Variants in FAM117B observed in about 807,000 individuals in gnomAD.
FAM117B encodes the protein protein FAM117B.
Under a neutral mutation model 52.8 loss-of-function variants are expected in FAM117B, and 22 were observed. That is an observed-to-expected ratio of 0.42 (90% CI 0.30 to 0.59). The LOEUF is 0.59. Ranked by LOEUF, FAM117B falls within the 20% of genes least tolerant of loss-of-function variation. The pLI, the probability that FAM117B is intolerant of heterozygous loss-of-function variation, is 0.22. For missense variants in FAM117B, 678 were observed against 802.6 expected, an observed-to-expected ratio of 0.84 and a Z score of 1.88; for synonymous variants, 309 against 324.1, an observed-to-expected ratio of 0.95 and a Z score of 0.50.
intron 7 of FAM117B, among the ~76,000 whole-genome samples, chr2:202,763,278 T>TA (rs1362424461): frequency 3.3e-5 from 5 of 152,174 alleles, no homozygotes; most frequent in African/African-American, 1.2e-4. Context: ...TTCAACGTGT[T>TA]AGCCAGGATG....
chr2:202,668,230 T>A (rs924420738), intron 1 of FAM117B, among the ~76,000 whole-genome samples: 3 of 145,474 alleles, frequency 2.1e-5, no homozygotes, highest in Non-Finnish European at 3.0e-5. Context: ...ATATAATATA[T>A]ATTAATATTT....
At chr2:202,671,550 G>T (rs1240381752) in intron 1 of FAM117B, among the ~76,000 whole-genome samples, 1 of 152,220 alleles carries the variant, frequency 6.6e-6, no homozygotes, top group Non-Finnish European at 1.5e-5. Context: ...CAGATGCTGA[G>T]AAATTGTCTG....
At chr2:202,747,670 A>G (rs1402527320) in intron 4 of FAM117B, among the ~76,000 whole-genome samples, 1 of 152,130 alleles carries the variant, frequency 6.6e-6, no homozygotes, top group Non-Finnish European at 1.5e-5. Context: ...TGAACTAGCT[A>G]AAAAAGAAAT....
intron 1 of FAM117B, among the ~76,000 whole-genome samples, chr2:202,681,537 A>T (rs1690462870): frequency 6.6e-6 from 1 of 152,230 alleles, no homozygotes; most frequent in Non-Finnish European, 1.5e-5. Flanking sequence ...GCATATTACC[A>T]AGAAAAAAGA....
At chr2:202,680,143 C>A (rs889627276) in intron 1 of FAM117B, among the ~76,000 whole-genome samples, 3 of 151,924 alleles carry the variant, frequency 2.0e-5, no homozygotes, top group African/African-American at 4.8e-5. Context: ...GCAGTAGAAA[C>A]CACACAAAAA....
intron 4 of FAM117B, among the ~76,000 whole-genome samples, chr2:202,755,036 A>G (rs1297005417): frequency 1.6e-4 from 24 of 151,904 alleles, no homozygotes; most frequent in Admixed American, 1.6e-3. Flanking sequence ...CACAGGTCAC[A>G]TGGCCAAGCA....
chr2:202,644,723 T>G (rs977639946), intron 1 of FAM117B, among the ~76,000 whole-genome samples: 1 of 152,242 alleles, frequency 6.6e-6, no homozygotes, highest in Non-Finnish European at 1.5e-5. Context: ...AATTGTAGGT[T>G]GGAAATAATT....
intron 4 of FAM117B, among the ~76,000 whole-genome samples, chr2:202,742,024 A>T (rs1195488922): frequency 6.6e-6 from 1 of 152,230 alleles, no homozygotes; most frequent in Admixed American, 6.5e-5. Context: ...GAAAATTAAG[A>T]ACACTTTTGA....
At chr2:202,731,864 T>A (rs1371090031) in intron 4 of FAM117B, among the ~76,000 whole-genome samples, 4 of 152,108 alleles carry the variant, frequency 2.6e-5, no homozygotes, top group Non-Finnish European at 5.9e-5. Flanking sequence ...GCCTCCTGAA[T>A]AGCTGGGATT....
chr2:202,667,649 T>C (rs1411126614), intron 1 of FAM117B, among the ~76,000 whole-genome samples: 1 of 152,200 alleles, frequency 6.6e-6, no homozygotes, highest in Non-Finnish European at 1.5e-5. Flanking sequence ...AATCTCAAGA[T>C]AAACCTTAGC....
At chr2:202,740,166 T>C (rs146474725) in intron 4 of FAM117B, among the ~76,000 whole-genome samples, 1,082 of 38,856 alleles carry the variant, frequency 0.028, 34 homozygotes, top group African/African-American at 0.13. Flanking sequence ...GAGCGAGACT[T>C]CATCCCCCAA....
chr2:202,727,388 G>T (rs1034782078), intron 4 of FAM117B, among the ~76,000 whole-genome samples: 1 of 151,818 alleles, frequency 6.6e-6, no homozygotes, highest in African/African-American at 2.4e-5. Context: ...ATTGTCTATT[G>T]CTCCTTTTTG....
chr2:202,662,793 G>A (rs1318418937), intron 1 of FAM117B, among the ~76,000 whole-genome samples: 2 of 151,980 alleles, frequency 1.3e-5, no homozygotes, highest in Non-Finnish European at 2.9e-5. Context: ...GCAGTGAGCC[G>A]AGATCATGCC....
At chr2:202,670,625 A>G (rs1432035996) in intron 1 of FAM117B, among the ~76,000 whole-genome samples, 1 of 152,130 alleles carries the variant, frequency 6.6e-6, no homozygotes, top group Non-Finnish European at 1.5e-5. Flanking sequence ...CATAGCAGGG[A>G]ACAGGGCCAC....
chr2:202,670,996 G>C (rs911740894), intron 1 of FAM117B, among the ~76,000 whole-genome samples: 1 of 152,208 alleles, frequency 6.6e-6, no homozygotes, highest in Non-Finnish European at 1.5e-5. Context: ...TTGAAAGCTT[G>C]AAAGTGTTGA....
intron 1 of FAM117B, among the ~76,000 whole-genome samples, chr2:202,649,339 C>G (rs1026023922): frequency 6.6e-6 from 1 of 152,082 alleles, no homozygotes; most frequent in African/African-American, 2.4e-5. Context: ...CCTCTTTTTA[C>G]TGTGTTCTAA....
chr2:202,699,288 G>A lies in FAM117B; in HGVS notation c.753+3256G>A, dbSNP rs933437696. ...CTAAATATACAAAAATTAGCCAGGCGTGGTGGCGTGCACCTGTAGTCCCAG... is the reference window on the plus strand; with the variant it reads ...CTAAATATACAAAAATTAGCCAGGCATGGTGGCGTGCACCTGTAGTCCCAG... On this transcript the variant is annotated intron_variant, in intron 2 of 7. Coordinates refer to ENST00000392238, the MANE Select transcript of FAM117B (RefSeq NM_173511.4). 2.6e-5 allele frequency among the ~76,000 whole-genome samples: 4 copies of A among 151,326 alleles called. No individual in the cohort carries two copies. The South Asian group carries it at 8.4e-4, about 32-fold the overall frequency.
intron 2 of FAM117B, among the ~76,000 whole-genome samples, chr2:202,709,224 C>A (rs1036547902): frequency 6.8e-6 from 1 of 146,190 alleles, no homozygotes. Context: ...TTTTTCCAGA[C>A]AGGGTTTCGC....
chr2:202,746,887 A>T (rs918466963), intron 4 of FAM117B, among the ~76,000 whole-genome samples: 58 of 152,054 alleles, frequency 3.8e-4, no homozygotes, highest in Non-Finnish European at 5.9e-4. Context: ...CTCCTAACTC[A>T]TTTTATGAGG....
Sources: gnomAD v4.1 joint callset for allele counts (sites outside exome capture counted in the v4.1 genomes callset) on GRCh38, gnomAD v4.1.1 for gene constraint, MANE v1.5 for transcripts, NCBI Gene and HGNC (gene_info 2026-07-23, HGNC 2026-07-21) for gene names.